MARS1: variants seen among roughly 807,000 people sequenced by gnomAD.
MARS1 encodes the protein methionine--tRNA ligase, cytoplasmic.
Under a neutral mutation model 119.5 loss-of-function variants are expected in MARS1, and 80 were observed. That is an observed-to-expected ratio of 0.67 (90% CI 0.56 to 0.81). MARS1 has a LOEUF of 0.81. Among genes scored for constraint, MARS1 ranks in the 30% least tolerant of loss-of-function variants. The pLI, the probability that MARS1 is intolerant of heterozygous loss-of-function variation, is 0.00. For missense variants in MARS1, 945 were observed against 1,116.5 expected (o/e 0.85, Z 2.19); for synonymous variants, 418 against 433.4 (o/e 0.96, Z 0.44).
intron 7 of MARS1, among the ~76,000 whole-genome samples, chr12:57,492,374 G>A (rs1389101338): frequency 6.7e-6 from 1 of 149,094 alleles, no homozygotes; most frequent in Non-Finnish European, 1.5e-5. Flanking sequence ...AAAACATTGA[G>A]TGAAGACTTA....
At chr12:57,515,868 T>TG in intron 18 of MARS1, 52 bp from the exon 19 acceptor site, 1 of 1,399,770 alleles carries the variant, frequency 7.1e-7, no homozygotes, top group African/African-American at 1.4e-5. Flanking sequence ...GTATAGTCTA[T>TG]GGTAGAGTCT....
At chr12:57,506,918 A>T (rs11172243) in intron 11 of MARS1, among the ~76,000 whole-genome samples, 2,208 of 147,368 alleles carry the variant, frequency 0.015, 33 homozygotes, top group Non-Finnish European at 0.024. Context: ...TGGCAGGGTC[A>T]TAGGACAATA....
At chr12:57,512,612 C>G in intron 14 of MARS1, 139 bp from the exon 15 acceptor site, 1 of 724,568 alleles carries the variant, frequency 1.4e-6, no homozygotes, top group South Asian at 1.8e-5. Context: ...AAAATCTGAG[C>G]ATACCAGCCC....
intron 10 of MARS1, among the ~76,000 whole-genome samples, chr12:57,501,856 G>A (rs996995932): frequency 8.6e-5 from 13 of 151,704 alleles, no homozygotes; most frequent in South Asian, 4.2e-4. Context: ...TATCCAGGCC[G>A]TGGTGGCGCA....
In MARS1 at chr12:57,512,089, A is replaced by G; in HGVS notation, c.1621A>G (p.Lys541Glu). 6.2e-7 allele frequency: 1 copy of G among 1,614,154 alleles called. No homozygotes were observed. Among genetic ancestry groups the G allele is most frequent in the South Asian group, 1.1e-5 (1 of 91,076 alleles). The change falls in exon 13 of 21, where the codon AAG (lysine) becomes GAG (glutamate). Residue 541 changes from lysine to glutamate, a missense_variant. Coordinates refer to ENST00000262027, the MANE Select transcript of MARS1 (RefSeq NM_004990.4). ...NYTDQWERWW[K>E]NPEQVDLYQF... ...CACAGACCAGTGGGAGAGATGGTGG[A>G]AGAACCCAGAGCAAGTGAGCAGTTC...
intron 2 of MARS1, 39 bp from the exon 3 acceptor site, chr12:57,489,228 C>T (rs771694950): frequency 1.4e-5 from 22 of 1,607,604 alleles, no homozygotes; most frequent in Non-Finnish European, 1.8e-5. Context: ...CTAAATGGGC[C>T]CCTCTAAGTC....
Position 57,504,285 on chromosome 12 carries a change from C to T in MARS1, c.1354C>T (p.Leu452=), listed in dbSNP as rs1289192785. ...GGTGCAGTCGAGCCAGCACCTGTTT[C>T]TGGACCTGCCTAAGGTAAGTGAGCT... ...PVVQSSQHLF[L]DLPKLEKRLE... The change falls in exon 11 of 21, where the codon CTG becomes TTG. Residue 452 remains leucine, a synonymous_variant. Coordinates refer to ENST00000262027, the MANE Select transcript of MARS1 (RefSeq NM_004990.4). 2 of 1,614,014 alleles carry T rather than the reference C, an allele frequency of 1.2e-6. No homozygotes were observed. The highest frequency in any genetic ancestry group is 1.7e-6 in the Non-Finnish European group (2 of 1,179,974).
chr12:57,507,984 C>T (rs909740828), intron 11 of MARS1, among the ~76,000 whole-genome samples: 8 of 147,360 alleles, frequency 5.4e-5, no homozygotes, highest in Admixed American at 1.3e-4. Context: ...ACTTCTCAGA[C>T]GCGGCGGCCG....
chr12:57,511,868 G>A lies in MARS1; in HGVS notation c.1539G>A (p.Lys513=). The A allele has an allele frequency of 1.2e-6, 2 of 1,613,732 alleles. No homozygotes were observed. Among genetic ancestry groups the A allele is most frequent in the Non-Finnish European group, 1.7e-6 (2 of 1,179,774 alleles). The change falls in exon 12 of 21, where the codon AAG becomes AAA. Residue 513 remains lysine, a splice_region_variant and synonymous_variant. Coordinates refer to ENST00000262027, the MANE Select transcript of MARS1 (RefSeq NM_004990.4). ...TPVPLEGFED[K]VFYVWFDATI... ...TACCCTTAGAAGGTTTTGAAGACAA[G>A]GTAAAAACCCTTTTTTATTCATATC...
At chr12:57,508,699 A>AGTTAGAGGTAGAGGGTAGAG (rs1555167927) in intron 11 of MARS1, among the ~76,000 whole-genome samples, 1 of 145,656 alleles carries the variant, frequency 6.9e-6, no homozygotes, top group African/African-American at 2.6e-5. Flanking sequence ...GTAGAGGTAG[A>AGTTAGAGGTAGAGGGTAGAG]GGTAGAGGGT....
intron 15 of MARS1, 41 bp from the exon 16 acceptor site, chr12:57,514,679 C>T (rs1247745504): frequency 1.9e-6 from 3 of 1,612,452 alleles, no homozygotes; most frequent in Admixed American, 3.3e-5. Context: ...ATAATAACTT[C>T]CCCTCTTTTT....
Position 57,516,495 on chromosome 12 carries a change from G to A in MARS1, c.2617G>A (p.Val873Met). The A allele has an allele frequency of 6.2e-7, 1 of 1,613,892 alleles. No homozygotes were observed. Among genetic ancestry groups the A allele is most frequent in the Non-Finnish European group, 8.5e-7 (1 of 1,179,948 alleles). ...KADKNEVAAEVAKLLDLKKQL... is the reference protein window; with the variant it reads ...KADKNEVAAEMAKLLDLKKQL... ...AGACAAGAACGAGGTTGCTGCGGAG[G>A]TGGCGAAACTCTTGGATCTAAAGAA... Residue 873 changes from valine (V) to methionine (M), a missense_variant, in exon 21 of 21, where the codon GTG becomes ATG. Coordinates refer to ENST00000262027, the MANE Select transcript of MARS1 (RefSeq NM_004990.4).
intron 7 of MARS1, among the ~76,000 whole-genome samples, chr12:57,491,978 T>C (rs1875986289): frequency 6.6e-6 from 1 of 152,158 alleles, no homozygotes. Flanking sequence ...AATGTAGAAT[T>C]ACACATTTTG....
At chr12:57,510,105 G>A (rs934296643) in intron 11 of MARS1, among the ~76,000 whole-genome samples, 2 of 151,996 alleles carry the variant, frequency 1.3e-5, no homozygotes, top group African/African-American at 2.4e-5. Flanking sequence ...TCAAACTCTC[G>A]GGCTCAAGTT....
In MARS1 at chr12:57,516,239, C is replaced by T. The variant is rs1877818908; in HGVS notation, c.2464-6C>T. The T allele has an allele frequency of 6.2e-7, 1 of 1,613,816 alleles. No homozygotes were observed. The highest frequency in any genetic ancestry group is 8.5e-7 in the Non-Finnish European group (1 of 1,179,736). On this transcript the variant is annotated splice_region_variant and splice_polypyrimidine_tract_variant and intron_variant, in intron 19 of 20. Transcript: ENST00000262027. ...GGTTGCTGGTGATAACTTTGTTGTT[C>T]TCCAGGCAAAAACGTCCCCGAAGCC...
In MARS1 at chr12:57,511,875, A is replaced by G; in HGVS notation, c.1539+7A>G. 1 of 1,613,064 alleles carries G rather than the reference A, an allele frequency of 6.2e-7. No individual in the cohort carries two copies. The highest frequency in any genetic ancestry group is 8.5e-7 in the Non-Finnish European group (1 of 1,179,432). ...AGAAGGTTTTGAAGACAAGGTAAAA[A>G]CCCTTTTTTATTCATATCATTCAGC... On this transcript the variant is annotated splice_region_variant and intron_variant, in intron 12 of 20. Transcript: ENST00000262027.
intron 4 of MARS1, 118 bp downstream of exon 4, chr12:57,489,676 C>A: frequency 7.1e-7 from 1 of 1,405,462 alleles, no homozygotes; most frequent in Non-Finnish European, 9.8e-7. Context: ...GTAATCTTGG[C>A]AAATCACTTA....
At chr12:57,494,566 G>A (rs961441316) in intron 7 of MARS1, among the ~76,000 whole-genome samples, 1 of 148,894 alleles carries the variant, frequency 6.7e-6, no homozygotes, top group Non-Finnish European at 1.5e-5. Flanking sequence ...GGGGGATTTG[G>A]CAGGGTCATA....
chr12:57,504,160 C>T, intron 10 of MARS1, 65 bp from the exon 11 acceptor site: 5 of 1,094,178 alleles, frequency 4.6e-6, no homozygotes, highest in Non-Finnish European at 4.2e-6. Context: ...CTCTGCTCCT[C>T]CCCTTGCCTG....
Sources: gnomAD v4.1 joint callset for allele counts (sites outside exome capture counted in the v4.1 genomes callset) on GRCh38, gnomAD v4.1.1 for gene constraint, MANE v1.5 for transcripts, NCBI Gene and HGNC (gene_info 2026-07-23, HGNC 2026-07-21) for gene names.